NISCH: variants seen among roughly 807,000 people sequenced by gnomAD.
NISCH encodes the protein nischarin, also known as I-1 receptor candidate protein.
A neutral mutation model predicts 138.4 loss-of-function variants in NISCH; 55 were observed. The ratio of observed to expected loss-of-function variants is 0.40; its 90% CI spans 0.32 to 0.50. NISCH has a LOEUF of 0.50. Among genes scored for constraint, NISCH ranks in the 20% least tolerant of loss-of-function variants. NISCH has a pLI of 0.71. For missense variants in NISCH, 1,643 were observed against 2,005.5 expected (o/e 0.82, Z 3.45); for synonymous variants, 860 against 861.5 (o/e 1.00, Z 0.03).
chr3:52,485,941 C>A, intron 15 of NISCH, 114 bp downstream of exon 15: 1 of 902,386 alleles, frequency 1.1e-6, no homozygotes, highest in East Asian at 2.7e-5. Flanking sequence ...TCACAGAAGG[C>A]CTATAGAACT....
chr3:52,458,932 A>G, intron 3 of NISCH, 88 bp downstream of exon 3: 1 of 1,225,730 alleles, frequency 8.2e-7, no homozygotes, highest in Non-Finnish European at 1.1e-6. Flanking sequence ...CTCAGCTTTG[A>G]GGTGGGCTGG....
At position 52,487,261 on chromosome 3, in the gene NISCH, T is replaced by A. The variant is rs1707424040; in HGVS notation, c.1769T>A (p.Phe590Tyr). 6.2e-7 allele frequency: 1 copy of A among 1,614,128 alleles called. No individual in the cohort carries two copies. Among genetic ancestry groups the A allele is most frequent in the Non-Finnish European group, 8.5e-7 (1 of 1,180,030 alleles). ...TCTGGCCAGATCATCTTCCTGCCCT[T>A]CACCTGCATTGGCTACACGGCCACC... Reference protein sequence around the residue: ...PGSGQIIFLPFTCIGYTATNQ... With the variant: ...PGSGQIIFLPYTCIGYTATNQ... Residue 590 changes from phenylalanine to tyrosine, a missense_variant, in exon 16 of 21, where the codon TTC becomes TAC. By Grantham distance (22) the Phe-to-Tyr change is conservative. Coordinates refer to ENST00000345716, the MANE Select transcript of NISCH (RefSeq NM_007184.4). The surrounding 1 kb of genome is among the most constrained non-coding windows in gnomAD (Gnocchi z 9.1).
chr3:52,489,924 C>T, intron 17 of NISCH, 151 bp from the exon 18 acceptor site: 1 of 1,220,534 alleles, frequency 8.2e-7, no homozygotes, highest in Non-Finnish European at 1.1e-6. Flanking sequence ...AGCCATCTCC[C>T]ACCCCTCTCT....
At chr3:52,490,556 TCC>T (rs1707535310) in intron 18 of NISCH, 147 bp from the exon 19 acceptor site, 2 of 1,127,256 alleles carry the variant, frequency 1.8e-6, no homozygotes, top group Non-Finnish European at 2.5e-6. Flanking sequence ...TGGAAGAGGC[TCC>T]GACTCCAGAG....
At chr3:52,461,735 C>T (rs1706637179) in intron 3 of NISCH, among the ~76,000 whole-genome samples, 1 of 151,916 alleles carries the variant, frequency 6.6e-6, no homozygotes, top group Non-Finnish European at 1.5e-5. Flanking sequence ...TGGTGGTGGG[C>T]TCCTGTAGTC....
chr3:52,489,641 G>A lies in NISCH; in HGVS notation c.3419G>A (p.Ser1140Asn). 6.2e-7 allele frequency: 1 copy of A among 1,612,900 alleles called. No individual in the cohort carries two copies. Among genetic ancestry groups the A allele is most frequent in the Non-Finnish European group, 8.5e-7 (1 of 1,179,928 alleles). Residue 1140 changes from serine to asparagine, a missense_variant, in exon 17 of 21, where the codon AGC becomes AAC. Coordinates refer to ENST00000345716, the MANE Select transcript of NISCH (RefSeq NM_007184.4). ...CGGCACGTCGCCAGCCTGCGGGGCA[G>A]CGCCATCATCGAGCTCTTCCACAGC... Reference protein sequence around the residue: ...SLRHVASLRGSAIIELFHSSI... With the variant: ...SLRHVASLRGNAIIELFHSSI...
At chr3:52,464,147 C>T (rs1706714606) in intron 3 of NISCH, among the ~76,000 whole-genome samples, 1 of 151,764 alleles carries the variant, frequency 6.6e-6, no homozygotes, top group Non-Finnish European at 1.5e-5. Flanking sequence ...CCTGTAATCC[C>T]AGCACTTTGG....
At position 52,472,228 on chromosome 3, in the gene NISCH, A is replaced by C. The variant is rs533558016; in HGVS notation, c.574-75A>C. Reference sequence around the variant, plus strand: ...ACAGAAGTGGTCAAAGTTGTCTTCAACTTGTCAGCTGCTGCAGCACTCCCC... The same window carrying C: ...ACAGAAGTGGTCAAAGTTGTCTTCACCTTGTCAGCTGCTGCAGCACTCCCC... On this transcript the variant is annotated intron_variant, in intron 5 of 20. Coordinates refer to ENST00000345716, the MANE Select transcript of NISCH (RefSeq NM_007184.4). 1.9e-4 allele frequency: 270 copies of C among 1,397,644 alleles called. 5 individuals carry two copies. In the South Asian group the frequency reaches 2.9e-3, roughly 15 times the overall value. 86.6% of individuals were successfully genotyped at this position (1,397,644 alleles called of 1,614,324 possible).
intron 2 of NISCH, 24 bp downstream of exon 2, chr3:52,457,950 C>T (rs772468268): frequency 9.5e-6 from 15 of 1,573,308 alleles, no homozygotes; most frequent in East Asian, 2.3e-5. Context: ...GCTGGGAGCA[C>T]GTATCTCAGG....
At chr3:52,483,802 A>G (rs1177114731) in intron 13 of NISCH, among the ~76,000 whole-genome samples, 1 of 152,196 alleles carries the variant, frequency 6.6e-6, no homozygotes, top group Non-Finnish European at 1.5e-5. Context: ...CGTCTGGGAA[A>G]ATGCTCCAGG....
intron 13 of NISCH, chr3:52,480,926 C>T: frequency 6.5e-7 from 1 of 1,532,566 alleles, no homozygotes; most frequent in Non-Finnish European, 8.7e-7. Flanking sequence ...AGCGTGTCTG[C>T]TGGCCCGGCC....
chr3:52,463,061 A>G (rs1706681172), intron 3 of NISCH, among the ~76,000 whole-genome samples: 3 of 152,236 alleles, frequency 2.0e-5, no homozygotes, highest in Admixed American at 2.0e-4. Context: ...ATCTAATTCC[A>G]GAACATTTCA....
chr3:52,472,529 C>T (rs561389723), intron 6 of NISCH, 131 bp downstream of exon 6: 22 of 767,436 alleles, frequency 2.9e-5, no homozygotes, highest in East Asian at 2.1e-4. Context: ...ACAGGTTCTG[C>T]GTAGGTGACC....
chr3:52,477,781 A>G (rs924945024), intron 9 of NISCH, 139 bp downstream of exon 9: 1 of 717,032 alleles, frequency 1.4e-6, no homozygotes, highest in Admixed American at 2.3e-5. Flanking sequence ...GGATCCCAGC[A>G]ATGCACTGAG....
chr3:52,467,792 T>C (rs1338509702), intron 3 of NISCH, among the ~76,000 whole-genome samples: 1 of 152,196 alleles, frequency 6.6e-6, no homozygotes, highest in Non-Finnish European at 1.5e-5. Flanking sequence ...GGAAGGTGAT[T>C]TCATTTTTCT....
Position 52,487,225 on chromosome 3 carries a change from T to A in NISCH, c.1733T>A (p.Val578Glu). Reference protein sequence around the residue: ...SPEHAEPEVQVVPGSGQIIFL... With the variant: ...SPEHAEPEVQEVPGSGQIIFL... ...GAACATGCCGAGCCGGAGGTCCAGG[T>A]GGTGCCGGGGTCTGGCCAGATCATC... Residue 578 changes from valine (V) to glutamate (E), a missense_variant, in exon 16 of 21, where the codon GTG (valine) becomes GAG (glutamate). Physicochemically the swap from Val to Glu is moderately radical, Grantham distance 121. Transcript: ENST00000345716. This position sits in a 1 kb window ranked among gnomAD's most constrained non-coding sequence, Gnocchi z 9.1. The A allele has an allele frequency of 3.1e-6, 5 of 1,613,978 alleles. No individual in the cohort carries two copies. Among genetic ancestry groups the A allele is most frequent in the Non-Finnish European group, 3.4e-6 (4 of 1,180,006 alleles).
intron 3 of NISCH, among the ~76,000 whole-genome samples, chr3:52,463,567 G>A (rs113147425): frequency 5.3e-5 from 8 of 152,234 alleles, no homozygotes; most frequent in Middle Eastern, 3.4e-3. Flanking sequence ...GTTTCCATCG[G>A]CAGTGTATAG....
At position 52,487,314 on chromosome 3, in the gene NISCH, A is replaced by G. The variant is rs777956226; in HGVS notation, c.1822A>G (p.Thr608Ala). Residue 608 changes from threonine to alanine, a missense_variant, in exon 16 of 21, where the codon ACA becomes GCA. By Grantham distance (58) the Thr-to-Ala change is moderately conservative. Coordinates refer to ENST00000345716, the MANE Select transcript of NISCH (RefSeq NM_007184.4). This position sits in a 1 kb window ranked among gnomAD's most constrained non-coding sequence, Gnocchi z 9.1. ...TNQDFIQRLS[T>A]LIRQAIERQL... The stretch of plus-strand genomic sequence containing the variant: ...TCAGGACTTCATCCAGCGCCTGAGC[A>G]CACTGATCCGGCAGGCCATCGAGCG... 6.8e-6 allele frequency: 11 copies of G among 1,614,046 alleles called. No individual in the cohort carries two copies. The South Asian group carries it at 1.1e-4, about 16-fold the overall frequency.
chr3:52,480,027 G>A, intron 12 of NISCH, 157 bp from the exon 13 acceptor site: 2 of 970,576 alleles, frequency 2.1e-6, no homozygotes, highest in Non-Finnish European at 3.1e-6. Context: ...GTTCTCTGTG[G>A]GGTGGGGACA....
Sources: allele counts gnomAD v4.1 joint callset (sites outside exome capture counted in the v4.1 genomes callset), GRCh38; gene constraint gnomAD v4.1.1; non-coding constraint Gnocchi (gnomAD v3.1); transcripts MANE v1.5; gene names NCBI Gene and HGNC (gene_info 2026-07-23, HGNC 2026-07-21).